CFAP119: variants seen among roughly 807,000 people sequenced by gnomAD.
CFAP119 encodes cilia- and flagella-associated protein 119.
the CFAP119 span, chr16:30,761,580 TCGCCGC>T: frequency 6.5e-7 from 1 of 1,536,104 alleles, no homozygotes; most frequent in African/African-American, 1.4e-5. Flanking sequence ...TCATCCGCTT[TCGCCGC>T]CGCCGCCGTC....
the CFAP119 span, chr16:30,759,473 C>T: frequency 8.8e-5 from 142 of 1,614,096 alleles, no homozygotes; most frequent in East Asian, 1.6e-4. Flanking sequence ...GGTGGTGACT[C>T]GGAATTAGAA....
At chr16:30,760,202 G>GCTTCTGCTT in the CFAP119 span, 2 of 1,609,798 alleles carry the variant, frequency 1.2e-6, no homozygotes, top group South Asian at 2.2e-5. Context: ...GAAATCCCCT[G>GCTTCTGCTT]CTTCTGCTTC....
At chr16:30,759,994 A>T in the CFAP119 span, 5 of 1,462,996 alleles carry the variant, frequency 3.4e-6, no homozygotes, top group Non-Finnish European at 4.5e-6. Context: ...TTCAGCTATT[A>T]AACATTCTGA....
chr16:30,761,720 A>C, the CFAP119 span: 1 of 1,529,274 alleles, frequency 6.5e-7, no homozygotes, highest in Admixed American at 2.0e-5. Flanking sequence ...CCTCATTCCC[A>C]AAAAGTGGCT....
the CFAP119 span, chr16:30,761,397 G>T: frequency 7.2e-7 from 1 of 1,384,264 alleles, no homozygotes; most frequent in Non-Finnish European, 1.0e-6. Flanking sequence ...CGCGAGCACA[G>T]TAACCACCGG....
the CFAP119 span, chr16:30,761,775 GC>G: frequency 6.7e-7 from 1 of 1,501,172 alleles, no homozygotes; most frequent in Non-Finnish European, 8.9e-7. Flanking sequence ...GCCGCGAGGC[GC>G]CCCGGGCTCC....
the CFAP119 span, chr16:30,757,891 TAGGC>T: frequency 9.2e-6 from 11 of 1,198,032 alleles, no homozygotes; most frequent in East Asian, 3.1e-5. Flanking sequence ...TGTGTGACCT[TAGGC>T]AGGTTATTTA....
chr16:30,761,355 AGG>A, the CFAP119 span: 1 of 1,449,272 alleles, frequency 6.9e-7, no homozygotes, highest in East Asian at 2.3e-5. Flanking sequence ...GGCGCGGGCG[AGG>A]GAGGGCTTCA....
chr16:30,759,384 G>A, the CFAP119 span: 61 of 1,614,112 alleles, frequency 3.8e-5, no homozygotes, highest in Non-Finnish European at 4.4e-5. Flanking sequence ...AGTGGCGGAA[G>A]TAAGTGTTGA....
At chr16:30,761,786 C>T in the CFAP119 span, 1 of 1,490,184 alleles carries the variant, frequency 6.7e-7, no homozygotes, top group African/African-American at 1.4e-5. Context: ...CCCCGGGCTC[C>T]CGCCGCCTAG....
the CFAP119 span, chr16:30,760,104 A>G: frequency 1.3e-6 from 2 of 1,540,246 alleles, no homozygotes; most frequent in Non-Finnish European, 1.7e-6. Context: ...TGTGTGCTGT[A>G]TCCTTAATTT....
At chr16:30,759,738 C>G in the CFAP119 span, 1 of 1,598,860 alleles carries the variant, frequency 6.3e-7, no homozygotes, top group Non-Finnish European at 8.5e-7. Flanking sequence ...GTAGGGAAAG[C>G]AAGATGCAGC....
At chr16:30,757,468 GTTGGGGGTCA>G in the CFAP119 span, 2 of 1,611,166 alleles carry the variant, frequency 1.2e-6, no homozygotes, top group East Asian at 4.5e-5. Flanking sequence ...TGGGGAAAAT[GTTGGGGGTCA>G]CTTGGTCTTG....
At chr16:30,761,688 G>C in the CFAP119 span, 2 of 1,535,814 alleles carry the variant, frequency 1.3e-6, no homozygotes, top group Admixed American at 2.0e-5. Context: ...AGCTCGGAGA[G>C]ATGTTCAAGC....
the CFAP119 span, chr16:30,758,895 C>A: frequency 1.3e-6 from 2 of 1,498,666 alleles, no homozygotes; most frequent in South Asian, 1.3e-5. Context: ...CATAAGGGAT[C>A]ATTTAGAGAA....
chr16:30,759,274 A>G, the CFAP119 span: 1 of 1,613,962 alleles, frequency 6.2e-7, no homozygotes, highest in Non-Finnish European at 8.5e-7. Flanking sequence ...AGGGAGGCTG[A>G]AAGGAGTGCA....
At chr16:30,761,436 A>T in the CFAP119 span, 1 of 1,484,348 alleles carries the variant, frequency 6.7e-7, no homozygotes, top group South Asian at 1.2e-5. Flanking sequence ...CTCCTCGCCC[A>T]AGCAGCCCGG....
At chr16:30,761,551 C>T in the CFAP119 span, 3 of 1,536,064 alleles carry the variant, frequency 2.0e-6, no homozygotes, top group African/African-American at 2.7e-5. Flanking sequence ...TCACCGGAAA[C>T]AAGTTGGCTC....
chr16:30,760,357 G>T, the CFAP119 span: 1 of 1,614,228 alleles, frequency 6.2e-7, no homozygotes, highest in Non-Finnish European at 8.5e-7. Context: ...AGCCCTGCTG[G>T]CGGCAGAAAA....
Sources: allele counts gnomAD v4.1 joint callset, GRCh38; gene constraint gnomAD v4.1.1; transcripts MANE v1.5; gene names NCBI Gene and HGNC (gene_info 2026-07-23, HGNC 2026-07-21).